The following GLCE variants were observed in gnomAD, a reference collection of about 807,000 sequenced individuals.
GLCE encodes the protein D-glucuronyl C5-epimerase.
GLCE carries 19 observed loss-of-function variants against 47.9 expected under a neutral mutation model. The observed-to-expected ratio is 0.40, with a 90% CI of 0.28 to 0.58. GLCE has a LOEUF of 0.58. Among genes scored for constraint, GLCE ranks in the 20% least tolerant of loss-of-function variants. GLCE has a pLI of 0.48. For missense variants in GLCE, 556 were observed against 743.3 expected, an observed-to-expected ratio of 0.75 and a Z score of 2.93; for synonymous variants, 245 against 263.4, an observed-to-expected ratio of 0.93 and a Z score of 0.68.
At chr15:69,201,405 A>G (rs936606992) in intron 1 of GLCE, among the ~76,000 whole-genome samples, 2 of 151,948 alleles carry the variant, frequency 1.3e-5, no homozygotes, top group African/African-American at 2.4e-5. Flanking sequence ...GTGTCTAGTC[A>G]TTGTAGTAGG....
intron 1 of GLCE, among the ~76,000 whole-genome samples, chr15:69,174,870 G>C (rs771374386): frequency 8.6e-5 from 13 of 151,644 alleles, no homozygotes; most frequent in Non-Finnish European, 1.9e-4. Context: ...AGTCATCTCG[G>C]GTTCTTCTAT....
At chr15:69,165,217 C>T (rs1246938238) in intron 1 of GLCE, among the ~76,000 whole-genome samples, 3 of 152,166 alleles carry the variant, frequency 2.0e-5, no homozygotes, top group African/African-American at 7.2e-5. Context: ...CTATTCTTCT[C>T]TTCCTGATGC....
At chr15:69,246,691 G>A (rs1166891887) in intron 2 of GLCE, among the ~76,000 whole-genome samples, 1 of 151,140 alleles carries the variant, frequency 6.6e-6, no homozygotes, top group African/African-American at 2.4e-5. Flanking sequence ...ACTCCAGCCT[G>A]GGCGATACAG....
intron 1 of GLCE, among the ~76,000 whole-genome samples, chr15:69,205,160 TC>T (rs1335348722): frequency 6.6e-6 from 1 of 151,846 alleles, no homozygotes; most frequent in Non-Finnish European, 1.5e-5. Flanking sequence ...GTAGTTGTGC[TC>T]CCCCCCACCC....
At chr15:69,188,744 C>T (rs2051869085) in intron 1 of GLCE, among the ~76,000 whole-genome samples, 1 of 152,110 alleles carries the variant, frequency 6.6e-6, no homozygotes, top group Non-Finnish European at 1.5e-5. Flanking sequence ...TTTAATTTAT[C>T]TCTCTCACTT....
At chr15:69,191,487 C>T (rs777509076) in intron 1 of GLCE, among the ~76,000 whole-genome samples, 3 of 152,098 alleles carry the variant, frequency 2.0e-5, no homozygotes, top group Admixed American at 1.3e-4. Context: ...CAAGCTTACA[C>T]GAATCTTCTC....
At chr15:69,252,864 G>C (rs2052865406) in intron 2 of GLCE, among the ~76,000 whole-genome samples, 1 of 152,034 alleles carries the variant, frequency 6.6e-6, no homozygotes, top group African/African-American at 2.4e-5. Context: ...CTTAAGTTTT[G>C]TTTGTTACAC....
chr15:69,213,181 G>A (rs2052256780), intron 2 of GLCE, among the ~76,000 whole-genome samples: 1 of 151,960 alleles, frequency 6.6e-6, no homozygotes, highest in Non-Finnish European at 1.5e-5. Flanking sequence ...TTACCCTCAT[G>A]TTAACATCTT....
intron 2 of GLCE, among the ~76,000 whole-genome samples, chr15:69,232,736 T>C (rs555045730): frequency 6.6e-6 from 1 of 152,320 alleles, no homozygotes; most frequent in South Asian, 2.1e-4. Flanking sequence ...ACATAATTTG[T>C]TTATATGTAT....
chr15:69,206,658 T>C (rs2052156587), intron 1 of GLCE, among the ~76,000 whole-genome samples: 1 of 152,050 alleles, frequency 6.6e-6, no homozygotes, highest in African/African-American at 2.4e-5. Context: ...CTTTTCTTTT[T>C]TGAATACTTC....
At chr15:69,164,481 C>A (rs1409609114) in intron 1 of GLCE, among the ~76,000 whole-genome samples, 2 of 149,942 alleles carry the variant, frequency 1.3e-5, no homozygotes, top group Non-Finnish European at 3.0e-5. Flanking sequence ...TATACTTTTG[C>A]TTTAATATAT....
At chr15:69,223,701 G>A (rs184600432) in intron 2 of GLCE, among the ~76,000 whole-genome samples, 315 of 151,604 alleles carry the variant, frequency 2.1e-3, no homozygotes, top group Non-Finnish European at 3.6e-3. Flanking sequence ...CTCCCACAAT[G>A]TATATACTCA....
intron 1 of GLCE, among the ~76,000 whole-genome samples, chr15:69,170,946 A>G (rs927596455): frequency 1.3e-5 from 2 of 152,166 alleles, no homozygotes; most frequent in Non-Finnish European, 2.9e-5. Context: ...AGCTATTTGG[A>G]GGTATTTAGG....
intron 2 of GLCE, among the ~76,000 whole-genome samples, chr15:69,251,640 A>G (rs1450823542): frequency 6.6e-6 from 1 of 152,210 alleles, no homozygotes; most frequent in Non-Finnish European, 1.5e-5. Flanking sequence ...ACAAGTAAAT[A>G]ATTTTTTTCA....
At chr15:69,185,800 A>G (rs907411508) in intron 1 of GLCE, among the ~76,000 whole-genome samples, 3 of 151,988 alleles carry the variant, frequency 2.0e-5, no homozygotes, top group African/African-American at 7.2e-5. Flanking sequence ...GAATTTAAGA[A>G]CATGCCAACC....
intron 1 of GLCE, among the ~76,000 whole-genome samples, chr15:69,180,023 T>TG (rs559564645): frequency 1.2e-3 from 178 of 152,246 alleles, no homozygotes; most frequent in African/African-American, 4.1e-3. Flanking sequence ...AAAGAACGTA[T>TG]TTATTGCTTT....
At chr15:69,176,510 C>A (rs1272154312) in intron 1 of GLCE, among the ~76,000 whole-genome samples, 1 of 152,072 alleles carries the variant, frequency 6.6e-6, no homozygotes, top group Non-Finnish European at 1.5e-5. Flanking sequence ...AGGCATGCGT[C>A]AGCCACCACC....
At chr15:69,190,712 TA>T (rs1475919915) in intron 1 of GLCE, among the ~76,000 whole-genome samples, 1 of 152,150 alleles carries the variant, frequency 6.6e-6, no homozygotes, top group Non-Finnish European at 1.5e-5. Context: ...TCTTTTTAAA[TA>T]CAATCTGACA....
chr15:69,264,393 C>T (rs548566875), intron 4 of GLCE, among the ~76,000 whole-genome samples: 239 of 152,044 alleles, frequency 1.6e-3, no homozygotes, highest in East Asian at 2.7e-3. Flanking sequence ...TGTGTGTGCA[C>T]GTGCACACAC....
Sources: allele counts gnomAD v4.1 joint callset (sites outside exome capture counted in the v4.1 genomes callset), GRCh38; gene constraint gnomAD v4.1.1; transcripts MANE v1.5; gene names NCBI Gene and HGNC (gene_info 2026-07-23, HGNC 2026-07-21).